CCDC3: variants seen among roughly 807,000 people sequenced by gnomAD.
CCDC3 encodes coiled-coil domain containing 3, also known as coiled-coil domain-containing protein 3.
Under a neutral mutation model 21.4 loss-of-function variants are expected in CCDC3, and 24 were observed. The ratio of observed to expected loss-of-function variants is 1.12; its 90% CI spans 0.81 to 1.58. The LOEUF (loss-of-function observed/expected upper bound fraction) is 1.58. Among genes scored for constraint, CCDC3 ranks in the 40% most tolerant of loss-of-function variants. CCDC3 has a pLI of 0.00. For synonymous variants in CCDC3, 186 were observed against 166.0 expected (o/e 1.12, Z -0.93); for missense variants, 425 against 360.9 (o/e 1.18, Z -1.44).
chr10:13,038,668 G>A (rs1176940912), intron 5 of CCDC3, among the ~76,000 whole-genome samples: 1 of 152,218 alleles, frequency 6.6e-6, no homozygotes, highest in African/African-American at 2.4e-5. Flanking sequence ...CCCCACTGCT[G>A]TCTTGGTATT....
At chr10:13,095,547 A>G (rs76805617) in intron 3 of CCDC3, among the ~76,000 whole-genome samples, 28,144 of 152,112 alleles carry the variant, frequency 0.19, 2,957 homozygotes, top group Middle Eastern at 0.29. Context: ...AATAGGGTTC[A>G]CGCTCCTATG....
At chr10:13,021,725 C>T (rs1836148525) in intron 5 of CCDC3, among the ~76,000 whole-genome samples, 1 of 152,052 alleles carries the variant, frequency 6.6e-6, no homozygotes, top group Non-Finnish European at 1.5e-5. Context: ...TTCCTCAGGC[C>T]TCTTTTCCTA....
intron 1 of CCDC3, among the ~76,000 whole-genome samples, chr10:12,999,251 C>T (rs1398286066): frequency 6.6e-6 from 1 of 152,016 alleles, no homozygotes; most frequent in Admixed American, 6.6e-5. Context: ...AAAAAAAGAA[C>T]ATATATAAGT....
chr10:12,906,139 C>T (rs1423880473), intron 2 of CCDC3, among the ~76,000 whole-genome samples: 5 of 152,138 alleles, frequency 3.3e-5, no homozygotes, highest in African/African-American at 1.2e-4. Flanking sequence ...CTGAATGACT[C>T]GACAGGACCA....
chr10:12,920,565 C>T (rs1165098315), intron 2 of CCDC3, among the ~76,000 whole-genome samples: 4 of 152,238 alleles, frequency 2.6e-5, no homozygotes, highest in South Asian at 4.1e-4. Context: ...GAATTTACTA[C>T]GTATTAGGTT....
chr10:12,936,594 A>G (rs1437937927), intron 2 of CCDC3, among the ~76,000 whole-genome samples: 5 of 152,120 alleles, frequency 3.3e-5, no homozygotes, highest in African/African-American at 1.2e-4. Flanking sequence ...GGTTTTTGGC[A>G]TTTCACTCCA....
intron 3 of CCDC3, among the ~76,000 whole-genome samples, chr10:13,087,558 G>A (rs1395492704): frequency 6.6e-6 from 1 of 152,122 alleles, no homozygotes; most frequent in African/African-American, 2.4e-5. Context: ...GAGAAGTCTG[G>A]ACCCTGGAAA....
chr10:12,964,511 G>A (rs117684661), intron 2 of CCDC3, among the ~76,000 whole-genome samples: 2,449 of 152,274 alleles, frequency 0.016, 23 homozygotes, highest in Non-Finnish European at 0.024. Context: ...ATCCATGAAG[G>A]AATCTAGCCT....
chr10:13,006,361 A>G (rs1307984319), upstream of CCDC3, among the ~76,000 whole-genome samples: 2 of 152,344 alleles, frequency 1.3e-5, no homozygotes, highest in South Asian at 2.1e-4. Context: ...TACTACATCT[A>G]GGACAGCAGC....
At chr10:12,902,330 G>C (rs987557908) in intron 2 of CCDC3, among the ~76,000 whole-genome samples, 3 of 152,176 alleles carry the variant, frequency 2.0e-5, no homozygotes, top group African/African-American at 7.2e-5. Flanking sequence ...CCCTCAAAAA[G>C]ATGAGAAGGT....
chr10:12,980,807 G>T (rs1364836703), intron 2 of CCDC3, among the ~76,000 whole-genome samples: 1 of 152,068 alleles, frequency 6.6e-6, no homozygotes, highest in Non-Finnish European at 1.5e-5. Context: ...GCAAGACACC[G>T]AGAGAGGATT....
intron 2 of CCDC3, among the ~76,000 whole-genome samples, chr10:12,918,574 T>A (rs77706374): frequency 6.6e-6 from 1 of 152,338 alleles, no homozygotes; most frequent in African/African-American, 2.4e-5. Flanking sequence ...TCTCATTACC[T>A]ATCTAGAAAA....
At position 13,001,533 on chromosome 10, in the gene CCDC3, G is replaced by C; in HGVS notation, c.38C>G (p.Ala13Gly). Residue 13 changes from alanine to glycine, a missense_variant, in exon 1 of 3, where the codon GCG becomes GGG. Transcript: ENST00000378825. Reference sequence around the variant, plus strand: ...GGCGCGCGCGGGCGCTGGGGGACCCGCCAGGCAGAGCGCGGCGAGCAGCAG... The same window carrying C: ...GGCGCGCGCGGGCGCTGGGGGACCCCCCAGGCAGAGCGCGGCGAGCAGCAG... ...RQLLLAALCLAGPPAPARACQ... is the reference protein window; with the variant it reads ...RQLLLAALCLGGPPAPARACQ... The C allele has an allele frequency of 7.8e-7, 1 of 1,286,126 alleles. No individual in the cohort carries two copies. The highest frequency in any genetic ancestry group is 9.8e-7 in the Non-Finnish European group (1 of 1,018,558). The allele number at this position is 1,286,126 out of a possible 1,614,324, so 79.7% of individuals were successfully genotyped here.
At chr10:13,053,828 T>A (rs2131427084) in intron 4 of CCDC3, among the ~76,000 whole-genome samples, 1 of 152,226 alleles carries the variant, frequency 6.6e-6, no homozygotes, top group South Asian at 2.1e-4. Flanking sequence ...TGGCACCATG[T>A]GGCACAGAGC....
At chr10:13,097,453 G>A (rs924809054) in intron 3 of CCDC3, among the ~76,000 whole-genome samples, 1 of 152,218 alleles carries the variant, frequency 6.6e-6, no homozygotes, top group East Asian at 1.9e-4. Flanking sequence ...GCTGGGCACC[G>A]TGGCTCACAC....
At chr10:12,903,706 G>C (rs1250675008) in intron 2 of CCDC3, among the ~76,000 whole-genome samples, 2 of 152,204 alleles carry the variant, frequency 1.3e-5, no homozygotes, top group Non-Finnish European at 2.9e-5. Context: ...TGGCCAATAG[G>C]ATGCCTGCCT....
intron 2 of CCDC3, among the ~76,000 whole-genome samples, chr10:12,912,900 C>T (rs1372082769): frequency 6.6e-6 from 1 of 152,202 alleles, no homozygotes; most frequent in Non-Finnish European, 1.5e-5. Context: ...GCATCTCTGT[C>T]GAAAATCCAT....
chr10:12,923,953 A>T lies in CCDC3; in HGVS notation c.550-25274T>A, dbSNP rs1834494728. 2.6e-5 allele frequency among the ~76,000 whole-genome samples: 4 copies of T among 152,224 alleles called. 1 individual carries two copies. In the South Asian group the frequency reaches 8.3e-4, roughly 32 times the overall value. ...AGGGAATGGCTACACTTTGCAATGA[A>T]GCCAGGGGTGAACGGAACTTCACCT... is the stretch of plus-strand genomic sequence containing the variant. On this transcript the variant is annotated intron_variant, in intron 2 of 2. Transcript: ENST00000378825.
intron 5 of CCDC3, among the ~76,000 whole-genome samples, chr10:13,026,678 G>GT (rs1363827045): frequency 6.6e-6 from 1 of 152,180 alleles, no homozygotes; most frequent in Non-Finnish European, 1.5e-5. Flanking sequence ...ACAGGTAATT[G>GT]TTTTTTAAAG....
Sources: gnomAD v4.1 joint callset for allele counts (sites outside exome capture counted in the v4.1 genomes callset) on GRCh38, gnomAD v4.1.1 for gene constraint, MANE v1.5 for transcripts, NCBI Gene and HGNC (gene_info 2026-07-23, HGNC 2026-07-21) for gene names.